The following RPH3A variants were observed in gnomAD, a reference collection of about 807,000 sequenced individuals.
RPH3A encodes the protein rabphilin 3A.
In RPH3A, 48 loss-of-function variants were observed where a neutral mutation model predicts 102.2. That is an observed-to-expected ratio of 0.47 (90% CI 0.37 to 0.60). RPH3A has a LOEUF of 0.60. RPH3A is among the 20% of genes least tolerant of loss of function. The pLI is 0.00. For missense variants in RPH3A, 781 were observed against 910.1 expected (o/e 0.86, Z 1.83); for synonymous variants, 310 against 324.3 (o/e 0.96, Z 0.47).
chr12:112,712,655 T>TTGTG (rs544401987), intron 1 of RPH3A, among the ~76,000 whole-genome samples: 2 of 150,342 alleles, frequency 1.3e-5, no homozygotes, highest in East Asian at 2.0e-4. Flanking sequence ...TGTCCCCTAC[T>TTGTG]TGTGTGTGTG....
At chr12:112,657,363 T>G (rs1419027224) in intron 1 of RPH3A, among the ~76,000 whole-genome samples, 1 of 152,046 alleles carries the variant, frequency 6.6e-6, no homozygotes, top group Non-Finnish European at 1.5e-5. Flanking sequence ...ATGCACAAAC[T>G]TTTTATAAGC....
intron 1 of RPH3A, among the ~76,000 whole-genome samples, chr12:112,644,523 G>A (rs377363264): frequency 1.3e-5 from 2 of 152,148 alleles, no homozygotes; most frequent in Admixed American, 1.3e-4. Context: ...GAAACACCTC[G>A]GACAGGCAGT....
chr12:112,724,905 G>A (rs2040576156), intron 1 of RPH3A, among the ~76,000 whole-genome samples: 1 of 151,920 alleles, frequency 6.6e-6, no homozygotes. Flanking sequence ...GGAGGTGGAG[G>A]TTGCAGTGAG....
At chr12:112,709,046 C>T (rs889767973) in intron 1 of RPH3A, among the ~76,000 whole-genome samples, 1 of 152,080 alleles carries the variant, frequency 6.6e-6, no homozygotes, top group African/African-American at 2.4e-5. Context: ...GCAATACAAC[C>T]ACCAAAACCC....
At chr12:112,769,774 T>C (rs911370318) in intron 1 of RPH3A, among the ~76,000 whole-genome samples, 3 of 152,214 alleles carry the variant, frequency 2.0e-5, no homozygotes, top group Non-Finnish European at 4.4e-5. Flanking sequence ...AACCCTTTAA[T>C]GAAGGGTACA....
chr12:112,754,632 T>C (rs1295245011), intron 1 of RPH3A, among the ~76,000 whole-genome samples: 4 of 152,212 alleles, frequency 2.6e-5, no homozygotes, highest in Non-Finnish European at 5.9e-5. Context: ...AAGGGAGATA[T>C]GTCAAGTTTT....
intron 1 of RPH3A, among the ~76,000 whole-genome samples, chr12:112,678,994 C>T (rs1465332135): frequency 2.6e-5 from 4 of 152,228 alleles, no homozygotes; most frequent in Middle Eastern, 3.4e-3. Context: ...CCATTTTTCT[C>T]TTTTTGCAAA....
intron 1 of RPH3A, among the ~76,000 whole-genome samples, chr12:112,661,966 G>A (rs2040051805): frequency 6.6e-6 from 1 of 152,000 alleles, no homozygotes; most frequent in South Asian, 2.1e-4. Context: ...ATCAAAGCAG[G>A]GATCATCCCC....
At chr12:112,644,583 A>G (rs1566240160) in intron 1 of RPH3A, among the ~76,000 whole-genome samples, 1 of 152,226 alleles carries the variant, frequency 6.6e-6, no homozygotes. Context: ...GTACAACACC[A>G]TCCATCTCTG....
At chr12:112,594,475 T>TATCCATCTCA (rs1459202447) in intron 1 of RPH3A, among the ~76,000 whole-genome samples, 1 of 152,150 alleles carries the variant, frequency 6.6e-6, no homozygotes, top group Non-Finnish European at 1.5e-5. Flanking sequence ...TCCTTCCATC[T>TATCCATCTCA]ATCCATCTCA....
At chr12:112,591,468 C>A (rs773167239) in intron 1 of RPH3A, 6 of 152,172 alleles carry the variant, frequency 3.9e-5, no homozygotes, top group African/African-American at 1.4e-4. Context: ...TTTAGTGGTC[C>A]CTGTAGCCAT....
At chr12:112,709,146 G>C (rs1187249832) in intron 1 of RPH3A, among the ~76,000 whole-genome samples, 1 of 152,224 alleles carries the variant, frequency 6.6e-6, no homozygotes, top group African/African-American at 2.4e-5. Flanking sequence ...TTTAAAAACA[G>C]ACCTGCTAGA....
At chr12:112,661,750 A>C (rs181708964) in intron 1 of RPH3A, among the ~76,000 whole-genome samples, 41 of 152,188 alleles carry the variant, frequency 2.7e-4, no homozygotes, top group Admixed American at 2.1e-3. Flanking sequence ...TTAAGAGTGG[A>C]TGTGCTACCT....
intron 1 of RPH3A, among the ~76,000 whole-genome samples, chr12:112,648,485 A>G (rs1448475908): frequency 6.8e-6 from 1 of 146,878 alleles, no homozygotes; most frequent in African/African-American, 2.5e-5. Context: ...CGGGAATCCC[A>G]GCACTTTGGG....
chr12:112,865,720 C>T, intron 6 of RPH3A, 177 bp downstream of exon 6: 1 of 593,812 alleles, frequency 1.7e-6, no homozygotes. Flanking sequence ...CCAACGTAAC[C>T]CTGATCCTGG....
chr12:112,753,947 G>A (rs2040803369), intron 1 of RPH3A, among the ~76,000 whole-genome samples: 1 of 152,204 alleles, frequency 6.6e-6, no homozygotes, highest in African/African-American at 2.4e-5. Flanking sequence ...TTCATAGCAG[G>A]AGAAGTGACA....
chr12:112,634,212 G>T (rs2039829308), intron 1 of RPH3A, among the ~76,000 whole-genome samples: 1 of 108,246 alleles, frequency 9.2e-6, no homozygotes, highest in Non-Finnish European at 1.8e-5. Flanking sequence ...GCCGGGCGTA[G>T]TGGCGGGCGC....
chr12:112,588,300 A>T (rs543353435), intron 1 of RPH3A, among the ~76,000 whole-genome samples: 4 of 152,346 alleles, frequency 2.6e-5, no homozygotes, highest in Non-Finnish European at 5.9e-5. Context: ...AAATGAAAGG[A>T]GGTTTAATGA....
intron 1 of RPH3A, among the ~76,000 whole-genome samples, chr12:112,581,483 C>A (rs1017406334): frequency 2.6e-5 from 4 of 152,030 alleles, no homozygotes; most frequent in Admixed American, 2.6e-4. Flanking sequence ...TTAAGAGTCT[C>A]GACAAAATTA....
Sources: allele counts gnomAD v4.1 joint callset (sites outside exome capture counted in the v4.1 genomes callset), GRCh38; gene constraint gnomAD v4.1.1; transcripts MANE v1.5; gene names NCBI Gene and HGNC (gene_info 2026-07-23, HGNC 2026-07-21).